KCTD5: variants seen among roughly 807,000 people sequenced by gnomAD.
KCTD5 encodes BTB/POZ domain-containing protein KCTD5.
KCTD5 carries 12 observed loss-of-function variants against 27.9 expected under a neutral mutation model. That is an observed-to-expected ratio of 0.43 (90% CI 0.28 to 0.70). The LOEUF (loss-of-function observed/expected upper bound fraction) is 0.70. KCTD5 is among the 30% of genes least tolerant of loss of function. The probability of loss-of-function intolerance (pLI) is 0.19; values close to 1 mark genes in which losing one functional copy is unlikely to be tolerated. For missense variants in KCTD5, 226 were observed against 274.8 expected, an observed-to-expected ratio of 0.82 and a Z score of 1.26; for synonymous variants, 147 against 121.4, an observed-to-expected ratio of 1.21 and a Z score of -1.39.
rs541944623 is a variant in KCTD5, at chr16:2,693,716, T to C, written c.253-2219T>C. ...TCTCCTCTTGCACCGGCCCAGGGCC[T>C]GAGAAGCACATGGTGGGTTGTCTTG... On this transcript the variant is annotated intron_variant, in intron 1 of 5. Coordinates refer to ENST00000301738, the MANE Select transcript of KCTD5 (RefSeq NM_018992.4). Among the ~76,000 whole-genome samples the C allele has an allele frequency of 6.4e-4, 98 of 152,372 alleles. No homozygotes were observed. In the East Asian group the frequency reaches 6.6e-3, roughly 10 times the overall value.
intron 1 of KCTD5, among the ~76,000 whole-genome samples, chr16:2,692,175 C>G (rs2067569590): frequency 6.6e-6 from 1 of 152,208 alleles, no homozygotes; most frequent in Non-Finnish European, 1.5e-5. Flanking sequence ...GTCCCTGTGT[C>G]TGGATGTGCC....
intron 3 of KCTD5, 124 bp downstream of exon 3, chr16:2,698,121 CCTTGTCCT>C: frequency 1.5e-6 from 1 of 659,770 alleles, no homozygotes; most frequent in Non-Finnish European, 2.7e-6. Flanking sequence ...ACCCTGAGAC[CCTTGTCCT>C]CTGTCACTGC....
chr16:2,703,368 G>A (rs1189257639), intron 5 of KCTD5, among the ~76,000 whole-genome samples: 1 of 152,136 alleles, frequency 6.6e-6, no homozygotes, highest in Non-Finnish European at 1.5e-5. Context: ...CCTGGGTGGT[G>A]GGGCGGGCTC....
intron 5 of KCTD5, among the ~76,000 whole-genome samples, chr16:2,704,263 G>A (rs557156505): frequency 2.6e-4 from 39 of 152,368 alleles, no homozygotes; most frequent in Non-Finnish European, 4.6e-4. Context: ...GATTGCGGGG[G>A]CCAGAGCTGG....
rs1282831421 is a variant in KCTD5 at position 2,688,243 on chromosome 16, A to ATATATATATATT, written c.252+5446_252+5447insATATATATTTAT. On this transcript the variant is annotated intron_variant, in intron 1 of 5. Transcript: ENST00000301738. ...TAAATAAATAAATATATATATATAT[A>ATATATATATATT]TATTTATTTATTTATTTATTTATTT... Among the ~76,000 whole-genome samples the ATATATATATATT allele has an allele frequency of 3.5e-3, 227 of 64,138 alleles. 1 individual carries two copies. The highest frequency in any genetic ancestry group is 0.011 in the African/African-American group (215 of 19,842). 42.1% of individuals were successfully genotyped at this position (64,138 alleles called of 152,430 possible). A position where few individuals can be genotyped will look rare whatever the true frequency, so the allele number is the denominator to read the frequency against.
At chr16:2,696,846 A>G (rs1041939334) in intron 2 of KCTD5, among the ~76,000 whole-genome samples, 3 of 151,196 alleles carry the variant, frequency 2.0e-5, no homozygotes, top group Non-Finnish European at 4.4e-5. Context: ...CATGATCCCC[A>G]CTCCTGTCTC....
chr16:2,698,399 G>T (rs971369327), intron 3 of KCTD5, among the ~76,000 whole-genome samples: 2 of 152,234 alleles, frequency 1.3e-5, no homozygotes, highest in Non-Finnish European at 2.9e-5. Context: ...GGTCGTGTGG[G>T]TCTGCGCAGG....
At chr16:2,697,705 C>A (rs2067592550) in intron 2 of KCTD5, among the ~76,000 whole-genome samples, 2 of 152,230 alleles carry the variant, frequency 1.3e-5, no homozygotes, top group African/African-American at 2.4e-5. Context: ...TCACCACGGC[C>A]CCTCCGCCCA....
chr16:2,700,153 C>T (rs930901562), intron 4 of KCTD5, among the ~76,000 whole-genome samples: 3 of 152,220 alleles, frequency 2.0e-5, no homozygotes, highest in Non-Finnish European at 4.4e-5. Context: ...CCTCCCTGGC[C>T]TGCCTCTTCT....
At chr16:2,690,114 A>T (rs1183581126) in intron 1 of KCTD5, among the ~76,000 whole-genome samples, 2 of 152,220 alleles carry the variant, frequency 1.3e-5, no homozygotes, top group African/African-American at 2.4e-5. Context: ...TGGTGAGATG[A>T]GCAGAGCGGC....
At chr16:2,700,851 C>T (rs1366253744) in intron 4 of KCTD5, among the ~76,000 whole-genome samples, 2 of 151,778 alleles carry the variant, frequency 1.3e-5, no homozygotes, top group Admixed American at 6.6e-5. Context: ...TCCCACCGTC[C>T]ACCCTGGACC....
At chr16:2,697,710 C>T (rs553833719) in intron 2 of KCTD5, among the ~76,000 whole-genome samples, 196 bp from the exon 3 acceptor site, 3 of 152,350 alleles carry the variant, frequency 2.0e-5, no homozygotes, top group Non-Finnish European at 4.4e-5. Flanking sequence ...ACGGCCCCTC[C>T]GCCCATTATC....
chr16:2,700,857 G>A (rs2067608533), intron 4 of KCTD5, among the ~76,000 whole-genome samples: 1 of 150,680 alleles, frequency 6.6e-6, no homozygotes, highest in Admixed American at 6.6e-5. Context: ...CGTCCACCCT[G>A]GACCCCTAGG....
chr16:2,700,569 TGC>T (rs2067607097), intron 4 of KCTD5, among the ~76,000 whole-genome samples: 2 of 152,172 alleles, frequency 1.3e-5, no homozygotes, highest in African/African-American at 4.8e-5. Context: ...ACGACCTGGC[TGC>T]CACTGTTCCT....
Position 2,687,447 on chromosome 16 carries a change from G to C in KCTD5, c.252+4647G>C, listed in dbSNP as rs61433364. Among the ~76,000 whole-genome samples, 1,262 of 152,344 alleles carry C rather than the reference G, an allele frequency of 8.3e-3. 23 individuals carry two copies. The highest frequency in any genetic ancestry group is 0.028 in the African/African-American group (1,173 of 41,564). The stretch of plus-strand genomic sequence containing the variant: ...CCTGCAGATACAGCCTTCAGTGGCT[G>C]TCGTCCAGCAGGGCAGTGACTAGTC... On this transcript the variant is annotated intron_variant, in intron 1 of 5. Transcript: ENST00000301738.
chr16:2,693,022 CCCAGGCAGCCCCACGCAGATCCT>C (rs2067573545), intron 1 of KCTD5, among the ~76,000 whole-genome samples: 1 of 152,208 alleles, frequency 6.6e-6, no homozygotes, highest in Non-Finnish European at 1.5e-5. Flanking sequence ...GGGCTGCAGC[CCCAGGCAGCCCCACGCAGATCCT>C]CCTCCCGAGG....
intron 4 of KCTD5, among the ~76,000 whole-genome samples, chr16:2,701,611 C>T (rs986550525): frequency 2.0e-5 from 3 of 152,168 alleles, no homozygotes; most frequent in African/African-American, 7.2e-5. Context: ...CTGCGGGCTG[C>T]TCTCCCGGCC....
chr16:2,688,269 G>T (rs2067550935), intron 1 of KCTD5, among the ~76,000 whole-genome samples: 1 of 144,702 alleles, frequency 6.9e-6, no homozygotes, highest in Non-Finnish European at 1.5e-5. Context: ...TTATTTATTT[G>T]AGACGGAGTC....
Position 2,705,677 on chromosome 16 carries a change from C to T in KCTD5, c.676-1621C>T, listed in dbSNP as rs148903527. ...CCCTCAGCCACCCGGGCCTGCCTGC[C>T]TGTGGGGGTGTCTGGCCATGGGGTA... On this transcript the variant is annotated intron_variant, in intron 5 of 5. Transcript: ENST00000301738. Among the ~76,000 whole-genome samples the T allele has an allele frequency of 5.2e-3, 797 of 152,318 alleles. 3 individuals are homozygous for T. Among genetic ancestry groups the T allele is most frequent in the Non-Finnish European group, 8.9e-3 (607 of 68,016 alleles).
Sources: gnomAD v4.1 joint callset for allele counts (sites outside exome capture counted in the v4.1 genomes callset) on GRCh38, gnomAD v4.1.1 for gene constraint, MANE v1.5 for transcripts, NCBI Gene and HGNC (gene_info 2026-07-23, HGNC 2026-07-21) for gene names.